Variants in RSU1 observed in about 807,000 individuals in gnomAD.
The protein encoded by RSU1 is Ras suppressor protein 1.
In RSU1, 26 loss-of-function variants were observed where a neutral mutation model predicts 31.1. That is an observed-to-expected ratio of 0.84 (90% CI 0.61 to 1.16). The LOEUF (loss-of-function observed/expected upper bound fraction) is 1.16, where lower values mean the gene tolerates loss of function less well. Among genes scored for constraint, RSU1 ranks in the 50% most tolerant of loss-of-function variants. The probability of loss-of-function intolerance (pLI) is 0.00; values close to 1 mark genes in which losing one functional copy is unlikely to be tolerated. For synonymous variants in RSU1, 164 were observed against 136.3 expected (o/e 1.20, Z -1.41); for missense variants, 320 against 339.1 (o/e 0.94, Z 0.44).
At chr10:16,792,478 G>A (rs534808110) in intron 2 of RSU1, among the ~76,000 whole-genome samples, 8 of 152,124 alleles carry the variant, frequency 5.3e-5, no homozygotes, top group East Asian at 1.9e-4. Context: ...TGATCCACCC[G>A]CCTCAGCCTC....
intron 7 of RSU1, 146 bp downstream of exon 7, chr10:16,752,393 T>C (rs1470571262): frequency 1.3e-5 from 8 of 624,012 alleles, no homozygotes; most frequent in Non-Finnish European, 2.3e-5. Flanking sequence ...CTCTGGTCAA[T>C]GACAAATGGT....
At chr10:16,727,039 A>T (rs1251584605) in intron 7 of RSU1, 1 of 456,418 alleles carries the variant, frequency 2.2e-6, no homozygotes, top group Non-Finnish European at 4.4e-6. Flanking sequence ...ACCTGAAGTT[A>T]ATGAGGGAAG....
At chr10:16,684,669 T>G (rs576772250) in intron 8 of RSU1, among the ~76,000 whole-genome samples, 2 of 152,262 alleles carry the variant, frequency 1.3e-5, no homozygotes, top group Admixed American at 6.5e-5. Context: ...ATCTGGGACT[T>G]CCGGCCTCTA....
At chr10:16,709,438 T>C (rs988428292) in intron 7 of RSU1, among the ~76,000 whole-genome samples, 2 of 152,172 alleles carry the variant, frequency 1.3e-5, no homozygotes, top group African/African-American at 2.4e-5. Flanking sequence ...CTATTGTGAA[T>C]AGTGCCGCAA....
intron 4 of RSU1, among the ~76,000 whole-genome samples, chr10:16,762,861 A>G (rs1162341906): frequency 6.6e-6 from 1 of 152,094 alleles, no homozygotes; most frequent in Non-Finnish European, 1.5e-5. Flanking sequence ...AAAAATACAA[A>G]TATTAGCTGG....
chr10:16,605,865 G>A lies in RSU1; in HGVS notation c.732-12369C>T, dbSNP rs576322075. Among the ~76,000 whole-genome samples the A allele has an allele frequency of 5.9e-5, 9 of 152,242 alleles. No homozygotes were observed. In the South Asian group the frequency reaches 1.7e-3, roughly 28 times the overall value. On this transcript the variant is annotated intron_variant, in intron 8 of 8. Transcript: ENST00000345264. Reference sequence around the variant, plus strand: ...TGCCCAGGCTGGAGTGCAGTGGTGCGATCATGGCTCACCGTAGCCTCCACC... The same window carrying A: ...TGCCCAGGCTGGAGTGCAGTGGTGCAATCATGGCTCACCGTAGCCTCCACC...
chr10:16,810,091 C>T (rs1588551640), intron 2 of RSU1, among the ~76,000 whole-genome samples: 1 of 151,906 alleles, frequency 6.6e-6, no homozygotes, highest in Non-Finnish European at 1.5e-5. Flanking sequence ...ATTAGCGGAG[C>T]ATGGTAGCTG....
chr10:16,761,239 G>A (rs771260640), intron 4 of RSU1, among the ~76,000 whole-genome samples: 29 of 152,284 alleles, frequency 1.9e-4, no homozygotes, highest in Non-Finnish European at 3.1e-4. Flanking sequence ...CACCACGCCC[G>A]AGAGGAGCTG....
intron 7 of RSU1, chr10:16,721,667 T>A (rs756172951): frequency 2.0e-5 from 3 of 152,248 alleles, no homozygotes; most frequent in Non-Finnish European, 4.4e-5. Context: ...TTCTCTTGCA[T>A]TGCAATAGGC....
At chr10:16,675,687 G>T (rs1835214141) in intron 8 of RSU1, among the ~76,000 whole-genome samples, 1 of 152,178 alleles carries the variant, frequency 6.6e-6, no homozygotes. Flanking sequence ...ATATAGTAAG[G>T]ACAAAATAAA....
At chr10:16,779,568 T>C (rs1837608064) in intron 3 of RSU1, among the ~76,000 whole-genome samples, 2 of 152,190 alleles carry the variant, frequency 1.3e-5, no homozygotes, top group African/African-American at 2.4e-5. Context: ...AACGGTGTAA[T>C]TGGCATACTA....
chr10:16,775,836 A>C (rs547430188), intron 3 of RSU1, among the ~76,000 whole-genome samples: 3 of 152,338 alleles, frequency 2.0e-5, no homozygotes, highest in African/African-American at 7.2e-5. Flanking sequence ...AGAGAAGCAA[A>C]CTGATAAATG....
chr10:16,711,190 G>T (rs1836011201), intron 7 of RSU1, among the ~76,000 whole-genome samples: 2 of 151,998 alleles, frequency 1.3e-5, no homozygotes, highest in South Asian at 4.1e-4. Flanking sequence ...TATCAAATTT[G>T]TTGGCATATA....
intron 7 of RSU1, among the ~76,000 whole-genome samples, chr10:16,714,613 G>A (rs952901103): frequency 3.9e-4 from 59 of 152,168 alleles, no homozygotes; most frequent in African/African-American, 1.3e-3. Context: ...GGGGTGGGGG[G>A]ATGTGGTGTG....
intron 8 of RSU1, among the ~76,000 whole-genome samples, chr10:16,626,929 C>T (rs144939940): frequency 9.9e-5 from 15 of 152,272 alleles, no homozygotes; most frequent in East Asian, 5.8e-4. Flanking sequence ...GTCGTGGAAA[C>T]GAAAATCCTG....
chr10:16,698,188 C>CCTGGGAAGA (rs1362444296), intron 7 of RSU1, among the ~76,000 whole-genome samples: 1 of 151,632 alleles, frequency 6.6e-6, no homozygotes, highest in Non-Finnish European at 1.5e-5. Flanking sequence ...TCAAATTTTC[C>CCTGGGAAGA]CTGGGAAGAC....
chr10:16,734,136 T>C (rs890962531), intron 7 of RSU1, among the ~76,000 whole-genome samples: 2 of 152,220 alleles, frequency 1.3e-5, no homozygotes, highest in African/African-American at 4.8e-5. Flanking sequence ...AACACTGTTG[T>C]AGTGAATCAT....
chr10:16,759,812 C>A (rs958722891), intron 4 of RSU1, among the ~76,000 whole-genome samples: 2 of 152,222 alleles, frequency 1.3e-5, no homozygotes, highest in African/African-American at 4.8e-5. Context: ...GCCTAAAATT[C>A]TCTCATGTCT....
At chr10:16,768,629 A>T (rs74125871) in intron 3 of RSU1, among the ~76,000 whole-genome samples, 5,268 of 152,284 alleles carry the variant, frequency 0.035, 210 homozygotes, top group East Asian at 0.14. Context: ...ACATCACCCC[A>T]GAGACAAATC....
Sources: gnomAD v4.1 joint callset for allele counts (sites outside exome capture counted in the v4.1 genomes callset) on GRCh38, gnomAD v4.1.1 for gene constraint, MANE v1.5 for transcripts, NCBI Gene and HGNC (gene_info 2026-07-23, HGNC 2026-07-21) for gene names.